RSRC1: variants seen among roughly 807,000 people sequenced by gnomAD.
RSRC1 encodes serine/Arginine-related protein 53.
RSRC1 carries 39 observed loss-of-function variants against 49.1 expected under a neutral mutation model. The observed-to-expected ratio is 0.79, with a 90% CI of 0.61 to 1.04. The LOEUF (loss-of-function observed/expected upper bound fraction) is 1.04. Among genes scored for constraint, RSRC1 ranks in the 50% least tolerant of loss-of-function variants. The pLI is 0.00. For missense variants in RSRC1, 388 were observed against 402.4 expected (o/e 0.96, Z 0.31); for synonymous variants, 143 against 130.8 (o/e 1.09, Z -0.63).
chr3:158,264,096 T>C (rs1725040335), intron 4 of RSRC1, among the ~76,000 whole-genome samples: 1 of 152,144 alleles, frequency 6.6e-6, no homozygotes, highest in East Asian at 1.9e-4. Context: ...TTAATTCTCC[T>C]CTTCTTCTAG....
intron 7 of RSRC1, among the ~76,000 whole-genome samples, chr3:158,493,940 C>G (rs1739199748): frequency 6.6e-6 from 1 of 151,896 alleles, no homozygotes; most frequent in Admixed American, 6.6e-5. Context: ...TATAAATATC[C>G]AAGGAAGTAA....
intron 6 of RSRC1, among the ~76,000 whole-genome samples, chr3:158,430,705 T>C (rs1031096521): frequency 6.6e-6 from 1 of 151,942 alleles, no homozygotes; most frequent in Non-Finnish European, 1.5e-5. Flanking sequence ...AATAAACTCT[T>C]TTCTGTACCA....
chr3:158,481,454 CAA>C (rs1433529355), intron 7 of RSRC1, among the ~76,000 whole-genome samples: 4 of 152,030 alleles, frequency 2.6e-5, no homozygotes, highest in Admixed American at 6.6e-5. Flanking sequence ...ACAAATCACA[CAA>C]GAGAACAGAA....
At chr3:158,425,636 C>A (rs1343044129) in intron 6 of RSRC1, among the ~76,000 whole-genome samples, 1 of 151,666 alleles carries the variant, frequency 6.6e-6, no homozygotes, top group Non-Finnish European at 1.5e-5. Flanking sequence ...CCTGGGTATC[C>A]TTGTTGACTT....
chr3:158,300,557 T>C (rs1366765517), intron 5 of RSRC1, among the ~76,000 whole-genome samples: 1 of 152,208 alleles, frequency 6.6e-6, no homozygotes, highest in Non-Finnish European at 1.5e-5. Context: ...TCCCTTTCAC[T>C]GCTGAGCATA....
intron 6 of RSRC1, among the ~76,000 whole-genome samples, chr3:158,411,419 A>G (rs960190792): frequency 1.6e-4 from 25 of 152,124 alleles, no homozygotes; most frequent in African/African-American, 5.3e-4. Context: ...CACCAGTAGT[A>G]TGTAAGAATT....
At chr3:158,168,131 C>T (rs73164094) in intron 3 of RSRC1, among the ~76,000 whole-genome samples, 18,251 of 152,208 alleles carry the variant, frequency 0.12, 1,355 homozygotes, top group Middle Eastern at 0.19. Context: ...TGGCTTCCCT[C>T]TACAATAGCA....
chr3:158,389,692 G>GT (rs899948818), intron 6 of RSRC1, among the ~76,000 whole-genome samples: 11 of 151,932 alleles, frequency 7.2e-5, no homozygotes, highest in African/African-American at 7.2e-5. Flanking sequence ...ATGTGAAACA[G>GT]TTTTTTTTGT....
chr3:158,128,639 A>C (rs367783339), intron 3 of RSRC1, among the ~76,000 whole-genome samples: 6 of 152,332 alleles, frequency 3.9e-5, no homozygotes, highest in Admixed American at 1.3e-4. Flanking sequence ...GGACATTAAC[A>C]TTGATACAGT....
intron 4 of RSRC1, among the ~76,000 whole-genome samples, chr3:158,284,476 C>G (rs1338535863): frequency 2.0e-5 from 3 of 149,174 alleles, no homozygotes; most frequent in Non-Finnish European, 3.0e-5. Flanking sequence ...ACACTGACTT[C>G]CACCATGGTT....
chr3:158,328,566 T>G (rs1729330118), intron 5 of RSRC1, among the ~76,000 whole-genome samples: 1 of 152,208 alleles, frequency 6.6e-6, no homozygotes, highest in African/African-American at 2.4e-5. Flanking sequence ...TGGCCCCCAC[T>G]CTCTTCTGGC....
chr3:158,282,439 A>G (rs958108243), intron 4 of RSRC1, among the ~76,000 whole-genome samples: 1 of 152,184 alleles, frequency 6.6e-6, no homozygotes, highest in African/African-American at 2.4e-5. Flanking sequence ...ACTGTATCTC[A>G]CAGTGGCTTT....
At chr3:158,204,399 T>C (rs1047653475) in intron 4 of RSRC1, among the ~76,000 whole-genome samples, 2 of 152,202 alleles carry the variant, frequency 1.3e-5, no homozygotes, top group African/African-American at 4.8e-5. Flanking sequence ...CAACCATTAA[T>C]GTACAGTAAT....
chr3:158,191,342 T>C (rs954185674), intron 3 of RSRC1, among the ~76,000 whole-genome samples: 5 of 152,234 alleles, frequency 3.3e-5, no homozygotes, highest in Admixed American at 6.6e-5. Flanking sequence ...CAGTTTTATT[T>C]TATGGTAAAT....
intron 5 of RSRC1, among the ~76,000 whole-genome samples, chr3:158,342,513 C>G (rs982910149): frequency 6.6e-6 from 1 of 152,184 alleles, no homozygotes; most frequent in African/African-American, 2.4e-5. Flanking sequence ...GAGGCCTCCC[C>G]AGCCATGTGG....
intron 6 of RSRC1, among the ~76,000 whole-genome samples, chr3:158,423,171 T>TA (rs1259857591): frequency 6.6e-6 from 1 of 152,108 alleles, no homozygotes; most frequent in East Asian, 1.9e-4. Context: ...TCCTGAATGG[T>TA]AATGCCTAGG....
At chr3:158,146,873 G>A (rs1369941551) in intron 3 of RSRC1, among the ~76,000 whole-genome samples, 2 of 152,028 alleles carry the variant, frequency 1.3e-5, no homozygotes, top group African/African-American at 2.4e-5. Context: ...TGTATGTGTC[G>A]AGGAATTTAT....
intron 6 of RSRC1, among the ~76,000 whole-genome samples, chr3:158,359,619 A>T (rs939409636): frequency 2.0e-5 from 3 of 152,142 alleles, no homozygotes; most frequent in Non-Finnish European, 4.4e-5. Flanking sequence ...AAGCTTGAAG[A>T]TCCCAGGAAC....
intron 3 of RSRC1, among the ~76,000 whole-genome samples, chr3:158,175,298 T>G (rs1178114946): frequency 6.6e-6 from 1 of 152,140 alleles, no homozygotes; most frequent in East Asian, 1.9e-4. Flanking sequence ...GATGGTGTCA[T>G]TTAATGCATA....
Sources: gnomAD v4.1 joint callset for allele counts (sites outside exome capture counted in the v4.1 genomes callset) on GRCh38, gnomAD v4.1.1 for gene constraint, MANE v1.5 for transcripts, NCBI Gene and HGNC (gene_info 2026-07-23, HGNC 2026-07-21) for gene names.